The following NIPA2 variants were observed in gnomAD, a reference collection of about 807,000 sequenced individuals.
NIPA2 encodes the protein NIPA magnesium transporter 2.
In NIPA2, 11 loss-of-function variants were observed where a neutral mutation model predicts 29.7. The observed-to-expected ratio is 0.37, with a 90% CI of 0.23 to 0.61. The LOEUF is 0.61. Ranked by LOEUF, NIPA2 falls within the 20% of genes least tolerant of loss-of-function variation. The pLI is 0.66. For missense variants in NIPA2, 426 were observed against 437.9 expected, an observed-to-expected ratio of 0.97 and a Z score of 0.24; for synonymous variants, 183 against 161.9, an observed-to-expected ratio of 1.13 and a Z score of -0.99.
rs1476860110 is a variant in NIPA2, at chr15:22,867,168, A to G, written c.*321A>G. ...AAAATGCTTTATTTTTTCATTGGTG[A>G]TGAAAGTCTGAAATGTGCATTTGTC... On this transcript the variant is annotated 3_prime_UTR_variant, in exon 8 of 8. Transcript: ENST00000337451. The G allele has an allele frequency of 2.2e-6, 1 of 446,514 alleles. No homozygotes were observed. The highest frequency in any genetic ancestry group is 3.3e-5 in the East Asian group (1 of 29,970). The allele number at this position is 446,514 out of a possible 1,614,324, so 27.7% of individuals were successfully genotyped here.
intron 2 of NIPA2, among the ~76,000 whole-genome samples, chr15:22,840,005 C>A (rs1896575334): frequency 6.6e-6 from 1 of 152,126 alleles, no homozygotes; most frequent in Non-Finnish European, 1.5e-5. Context: ...ACTGCAACTT[C>A]CGCCTCCCGG....
At chr15:22,845,774 G>C (rs1381585701) in intron 3 of NIPA2, among the ~76,000 whole-genome samples, 1 of 152,064 alleles carries the variant, frequency 6.6e-6, no homozygotes, top group Non-Finnish European at 1.5e-5. Flanking sequence ...TGGCCAGGGG[G>C]ACTCTCGAAA....
chr15:22,857,845 A>C (rs984105222), intron 5 of NIPA2, among the ~76,000 whole-genome samples: 21 of 150,896 alleles, frequency 1.4e-4, no homozygotes, highest in Non-Finnish European at 2.7e-4. Flanking sequence ...TCAAAAAAAA[A>C]AAAAAAAAAA....
chr15:22,853,505 T>G (rs2057937119), intron 5 of NIPA2, among the ~76,000 whole-genome samples: 1 of 150,904 alleles, frequency 6.6e-6, no homozygotes, highest in Non-Finnish European at 1.5e-5. Flanking sequence ...TCCCAAGTAG[T>G]TGGGATTACA....
intron 5 of NIPA2, among the ~76,000 whole-genome samples, chr15:22,854,982 T>G (rs1164667670): frequency 1.3e-5 from 2 of 152,192 alleles, no homozygotes; most frequent in Non-Finnish European, 2.9e-5. Flanking sequence ...AGGAGAATTC[T>G]GTTTTAATTT....
At chr15:22,843,626 C>T (rs945266935) in intron 2 of NIPA2, among the ~76,000 whole-genome samples, 1 of 151,052 alleles carries the variant, frequency 6.6e-6, no homozygotes, top group Admixed American at 6.6e-5. Flanking sequence ...TGTCTATGCA[C>T]TTCATTTGGT....
intron 7 of NIPA2, 147 bp downstream of exon 7, chr15:22,860,936 C>T (rs1382986237): frequency 1.3e-5 from 8 of 593,206 alleles, no homozygotes; most frequent in Non-Finnish European, 2.0e-5. Context: ...TCCCTCCTAT[C>T]AATCCCAAGC....
chr15:22,844,735 CAG>C (rs1466335024), intron 2 of NIPA2, among the ~76,000 whole-genome samples: 3 of 151,974 alleles, frequency 2.0e-5, no homozygotes, highest in Admixed American at 1.3e-4. Flanking sequence ...GCCTGGGAAA[CAG>C]AGTGAGACAC....
intron 3 of NIPA2, among the ~76,000 whole-genome samples, chr15:22,849,739 A>G (rs751022996): frequency 2.1e-4 from 32 of 151,552 alleles, no homozygotes; most frequent in Non-Finnish European, 3.7e-4. Flanking sequence ...TTGTTTTTGT[A>G]TTTTTAGTAG....
Position 22,866,475 on chromosome 15 carries a change from T to C in NIPA2, c.711T>C (p.Asn237=). The change falls in exon 8 of 8, where the codon AAT becomes AAC. Residue 237 remains asparagine, a synonymous_variant. Transcript: ENST00000337451. ...VCVSTQINYL[N]RALDIFNTSI... is the part of the protein sequence containing the mutation. ...TGAGCACACAGATTAATTACCTAAA[T>C]AGGGCCCTGGATATATTCAACACTT... 3 of 1,614,108 alleles carry C rather than the reference T, an allele frequency of 1.9e-6. No individual in the cohort carries two copies. The highest frequency in any genetic ancestry group is 2.2e-5 in the East Asian group (1 of 44,882).
intron 5 of NIPA2, among the ~76,000 whole-genome samples, chr15:22,858,084 C>T (rs951469496): frequency 2.6e-5 from 4 of 152,090 alleles, no homozygotes; most frequent in Non-Finnish European, 5.9e-5. Flanking sequence ...AATTTACAGA[C>T]CCATAACCCT....
chr15:22,847,185 C>T (rs982321843), intron 3 of NIPA2, among the ~76,000 whole-genome samples: 7 of 152,044 alleles, frequency 4.6e-5, no homozygotes, highest in Admixed American at 1.3e-4. Flanking sequence ...GGATTACAGG[C>T]CTGAGCCACC....
chr15:22,850,137 A>G (rs1457156424), intron 3 of NIPA2, among the ~76,000 whole-genome samples: 3 of 152,068 alleles, frequency 2.0e-5, no homozygotes, highest in Non-Finnish European at 2.9e-5. Flanking sequence ...TCATACTTGC[A>G]GTAAGCCTGT....
chr15:22,861,134 G>C (rs2058592434), intron 7 of NIPA2, among the ~76,000 whole-genome samples: 1 of 152,104 alleles, frequency 6.6e-6, no homozygotes, highest in African/African-American at 2.4e-5. Context: ...TATTATGGTT[G>C]TTGTTCCTTC....
intron 4 of NIPA2, 94 bp downstream of exon 4, chr15:22,851,964 T>A (rs2057776375): frequency 9.5e-7 from 1 of 1,054,136 alleles, no homozygotes; most frequent in Non-Finnish European, 1.4e-6. Flanking sequence ...TCCTCGTGAG[T>A]GTATTTGAAA....
Position 22,858,614 on chromosome 15 carries a change from C to A in NIPA2, c.271C>A (p.Leu91Ile). The A allele has an allele frequency of 6.3e-7, 1 of 1,598,214 alleles. No homozygotes were observed. The highest frequency in any genetic ancestry group is 8.5e-7 in the Non-Finnish European group (1 of 1,170,530). The part of the protein sequence containing the change: ...PATLVTPLGA[L>I]SVLVSAILSS... ...CACTCTAGTGACTCCACTAGGAGCT[C>A]TCAGCGTGCTAGTAAGGTAAGGACA... Residue 91 changes from leucine to isoleucine, a missense_variant, in exon 6 of 8, where the codon CTC (leucine) becomes ATC (isoleucine). Leu to Ile is a conservative substitution (Grantham distance 5, BLOSUM62 2). Coordinates refer to ENST00000337451, the MANE Select transcript of NIPA2 (RefSeq NM_030922.7).
Position 22,866,232 on chromosome 15 carries a change from C to G in NIPA2, c.468C>G (p.Thr156=). ...LGDPGFVVFA[T]LVVIVALILI... ...CTCCAGGTTTTGTGGTCTTTGCAAC[C>G]CTTGTGGTCATTGTGGCCTTGATAT... is the stretch of plus-strand genomic sequence containing the variant. Residue 156 remains threonine, a synonymous_variant, in exon 8 of 8, where the codon ACC becomes ACG. Coordinates refer to ENST00000337451, the MANE Select transcript of NIPA2 (RefSeq NM_030922.7). The G allele has an allele frequency of 3.7e-6, 6 of 1,613,452 alleles. No individual in the cohort carries two copies. Among genetic ancestry groups the G allele is most frequent in the Non-Finnish European group, 5.1e-6 (6 of 1,179,494 alleles).
intron 5 of NIPA2, among the ~76,000 whole-genome samples, chr15:22,855,429 T>A (rs1566847439): frequency 6.6e-6 from 1 of 151,116 alleles, no homozygotes; most frequent in Non-Finnish European, 1.5e-5. Flanking sequence ...AAAAAAAAAA[T>A]ATTCTGAAGA....
At position 22,857,302 on chromosome 15, in the gene NIPA2, G is replaced by GTAT. The variant is rs1290815039; in HGVS notation, c.197-1237_197-1235dup. 4.0e-5 allele frequency among the ~76,000 whole-genome samples: 6 copies of GTAT among 151,612 alleles called. 1 individual carries two copies. Among genetic ancestry groups the GTAT allele is most frequent in the Non-Finnish European group, 7.4e-5 (5 of 67,926 alleles). On this transcript the variant is annotated intron_variant, in intron 5 of 7. Transcript: ENST00000337451. ...AAAAATCAGCCGGGTGTGGTGGCGGGTATGTGGGCCTGTAATCCCAGCTAC... is the reference window on the plus strand; with the variant it reads ...AAAAATCAGCCGGGTGTGGTGGCGGGTATTATGTGGGCCTGTAATCCCAGCTAC...
Sources: gnomAD v4.1 joint callset for allele counts (sites outside exome capture counted in the v4.1 genomes callset) on GRCh38, gnomAD v4.1.1 for gene constraint, MANE v1.5 for transcripts, NCBI Gene and HGNC (gene_info 2026-07-23, HGNC 2026-07-21) for gene names.